The following WASHC5 variants were observed in gnomAD, a reference collection of about 807,000 sequenced individuals.
The protein encoded by WASHC5 is WASH complex subunit strumpellin.
In WASHC5, 101 loss-of-function variants were observed where a neutral mutation model predicts 150.4. That is an observed-to-expected ratio of 0.67 (90% CI 0.57 to 0.79). WASHC5 has a LOEUF of 0.79. Among genes scored for constraint, WASHC5 ranks in the 30% least tolerant of loss-of-function variants. The probability of loss-of-function intolerance (pLI) is 0.00; values close to 1 mark genes in which losing one functional copy is unlikely to be tolerated. For synonymous variants in WASHC5, 467 were observed against 491.2 expected, an observed-to-expected ratio of 0.95 and a Z score of 0.65; for missense variants, 1,195 against 1,396.3, an observed-to-expected ratio of 0.86 and a Z score of 2.30.
chr8:125,038,976 C>A lies in WASHC5; in HGVS notation c.2955-17G>T. ...AGGAGAGCCCTAAAGGAAGAAAAAC[C>A]CTGGAGATAAACATTAGTGAGTAAA... On this transcript the variant is annotated splice_polypyrimidine_tract_variant and intron_variant, in intron 24 of 28. Transcript: ENST00000318410. The A allele has an allele frequency of 6.2e-7, 1 of 1,612,368 alleles. No individual in the cohort carries two copies. Among genetic ancestry groups the A allele is most frequent in the South Asian group, 1.1e-5 (1 of 91,042 alleles).
chr8:125,079,116 G>GTC (rs370503575), intron 5 of WASHC5, among the ~76,000 whole-genome samples, 186 bp from the exon 6 acceptor site: 1 of 97,926 alleles, frequency 1.0e-5, no homozygotes, highest in Non-Finnish European at 1.8e-5. Context: ...GTGTGTGTGT[G>GTC]TATATATATA....
intron 6 of WASHC5, 120 bp from the exon 7 acceptor site, chr8:125,076,620 G>C: frequency 8.8e-7 from 1 of 1,130,314 alleles, no homozygotes; most frequent in South Asian, 1.3e-5. Context: ...CACCTTTCAG[G>C]ATCCTGGACA....
Position 125,044,880 on chromosome 8 carries a change from G to T in WASHC5, c.2505-182C>A. The T allele has an allele frequency of 7.4e-6, 5 of 675,772 alleles. No individual in the cohort carries two copies. The South Asian group carries it at 8.2e-5, about 11-fold the overall frequency. 41.9% of individuals were successfully genotyped at this position (675,772 alleles called of 1,614,324 possible). ...CCAGTGACACCCAATGGAACAGGAA[G>T]GTAAAATTCAGTCTGACCCCCTTTT... On this transcript the variant is annotated intron_variant, in intron 20 of 28. Coordinates refer to ENST00000318410, the MANE Select transcript of WASHC5 (RefSeq NM_014846.4).
At chr8:125,075,418 T>C (rs1419800220) in intron 7 of WASHC5, among the ~76,000 whole-genome samples, 1 of 122,950 alleles carries the variant, frequency 8.1e-6, no homozygotes, top group African/African-American at 5.0e-5. Flanking sequence ...CTGGGATATC[T>C]TTTTTTAAAA....
intron 12 of WASHC5, 138 bp from the exon 13 acceptor site, chr8:125,059,680 C>T (rs1816532543): frequency 1.5e-6 from 1 of 685,572 alleles, no homozygotes; most frequent in Non-Finnish European, 2.4e-6. Context: ...TTATAAATTT[C>T]AGAAACGTGA....
chr8:125,091,168 G>T (rs1817620331), intron 1 of WASHC5, among the ~76,000 whole-genome samples: 1 of 151,758 alleles, frequency 6.6e-6, no homozygotes, highest in Admixed American at 6.6e-5. Flanking sequence ...TTTGACATCA[G>T]TATGTCACAG....
intron 28 of WASHC5, among the ~76,000 whole-genome samples, chr8:125,025,533 A>G (rs1221949997): frequency 6.6e-6 from 1 of 152,018 alleles, no homozygotes; most frequent in East Asian, 1.9e-4. Context: ...ACTGAAAATA[A>G]AAAAATCAGC....
At chr8:125,029,996 T>C (rs1159355307) in intron 27 of WASHC5, among the ~76,000 whole-genome samples, 1 of 152,198 alleles carries the variant, frequency 6.6e-6, no homozygotes, top group Non-Finnish European at 1.5e-5. Context: ...ACAGGTTCCT[T>C]AGATTCCTTT....
chr8:125,074,917 T>G (rs1181280265), intron 8 of WASHC5, 81 bp downstream of exon 8: 1 of 856,688 alleles, frequency 1.2e-6, no homozygotes. Flanking sequence ...TCCAAATTCC[T>G]TGGGAAATCT....
intron 10 of WASHC5, among the ~76,000 whole-genome samples, chr8:125,064,837 CTG>C (rs974946901): frequency 6.6e-6 from 1 of 152,062 alleles, no homozygotes; most frequent in Non-Finnish European, 1.5e-5. Flanking sequence ...AATCAGGGCT[CTG>C]TGGAATTTTG....
At chr8:125,052,529 T>C (rs1816269527) in intron 17 of WASHC5, among the ~76,000 whole-genome samples, 2 of 152,062 alleles carry the variant, frequency 1.3e-5, no homozygotes, top group Admixed American at 1.3e-4. Context: ...TACATGTATA[T>C]GTACAGAGAC....
chr8:125,037,545 GGGAAGAAAACAATTTTGCTTA>G (rs1815752330), intron 25 of WASHC5, among the ~76,000 whole-genome samples: 1 of 152,098 alleles, frequency 6.6e-6, no homozygotes, highest in Non-Finnish European at 1.5e-5. Context: ...TTGCCCTTCT[GGGAAGAAAACAATTTTGCTTA>G]GAAAGACTTT....
intron 10 of WASHC5, among the ~76,000 whole-genome samples, chr8:125,066,367 T>C (rs1360982545): frequency 1.3e-5 from 2 of 152,158 alleles, no homozygotes; most frequent in Non-Finnish European, 2.9e-5. Flanking sequence ...GTAACCATAC[T>C]GAAGCAAGAT....
At position 125,028,899 on chromosome 8, in the gene WASHC5, G is replaced by C. The variant is rs529095218; in HGVS notation, c.3336-192C>G. ...TATTTTCAGGAGCCCACCCCATAGG[G>C]TAAATGTGAGCTTCTCTATACGGTT... On this transcript the variant is annotated intron_variant, in intron 27 of 28. Transcript: ENST00000318410. 2.6e-5 allele frequency among the ~76,000 whole-genome samples: 4 copies of C among 152,258 alleles called. No homozygotes were observed. The East Asian group carries it at 5.8e-4, about 22-fold the overall frequency.
chr8:125,048,673 C>T (rs1411634036), intron 19 of WASHC5, among the ~76,000 whole-genome samples: 1 of 152,140 alleles, frequency 6.6e-6, no homozygotes, highest in Non-Finnish European at 1.5e-5. Context: ...CATTATAGGT[C>T]CTAGTAATTC....
At chr8:125,032,159 G>T in intron 27 of WASHC5, 82 bp downstream of exon 27, 1 of 1,477,984 alleles carries the variant, frequency 6.8e-7, no homozygotes, top group Non-Finnish European at 9.4e-7. Flanking sequence ...CTATTAGGGC[G>T]ATAAGAGGAA....
chr8:125,025,416 G>T (rs1182449514), intron 28 of WASHC5, among the ~76,000 whole-genome samples: 18 of 152,164 alleles, frequency 1.2e-4, no homozygotes, highest in African/African-American at 4.3e-4. Flanking sequence ...TAGGCTGGGC[G>T]TGGTGGCTCA....
At chr8:125,080,295 T>C (rs1373763507) in intron 5 of WASHC5, among the ~76,000 whole-genome samples, 3 of 152,228 alleles carry the variant, frequency 2.0e-5, no homozygotes, top group Non-Finnish European at 2.9e-5. Context: ...CTTTACACTG[T>C]GTATAGTTTT....
chr8:125,056,646 T>C lies in WASHC5; in HGVS notation c.2016+31A>G, dbSNP rs768883082. ...ATTTCATGACTGTTAGTTTTTAATA[T>C]GAAAAGGCAGAAGTCAGAGGGACAC... On this transcript the variant is annotated intron_variant, in intron 16 of 28. Coordinates refer to ENST00000318410, the MANE Select transcript of WASHC5 (RefSeq NM_014846.4). 8 of 1,613,596 alleles carry C rather than the reference T, an allele frequency of 5.0e-6. No homozygotes were observed. In the African/African-American group the frequency reaches 6.7e-5, roughly 13 times the overall value.
Sources: allele counts gnomAD v4.1 joint callset (sites outside exome capture counted in the v4.1 genomes callset), GRCh38; gene constraint gnomAD v4.1.1; transcripts MANE v1.5; gene names NCBI Gene and HGNC (gene_info 2026-07-23, HGNC 2026-07-21).